The following VAMP7 variants were observed in gnomAD, a reference collection of about 807,000 sequenced individuals.
VAMP7 encodes the protein vesicle-associated membrane protein 7.
Under a neutral mutation model 29.6 loss-of-function variants are expected in VAMP7, and 14 were observed. The ratio of observed to expected loss-of-function variants is 0.47; its 90% CI spans 0.31 to 0.74. The LOEUF (loss-of-function observed/expected upper bound fraction) is 0.74, where lower values mean the gene tolerates loss of function less well. Among genes scored for constraint, VAMP7 ranks in the 30% least tolerant of loss-of-function variants. VAMP7 has a pLI of 0.05. For missense variants in VAMP7, 223 were observed against 262.4 expected (o/e 0.85, Z 1.04); for synonymous variants, 95 against 88.1 (o/e 1.08, Z -0.44).
chrX:155,923,693 T>G (rs1325829067), intron 6 of VAMP7, among the ~76,000 whole-genome samples: 2 of 152,094 alleles, frequency 1.3e-5, no homozygotes. Context: ...GCTTTGAGTT[T>G]GTTGTAGTTT....
At position 155,942,605 on chromosome X, in the gene VAMP7, A is replaced by C. The variant is rs2066763233; in HGVS notation, c.*654A>C. Reference sequence around the variant, plus strand: ...AAAGTTCAGTGTGCTGATCATTCACAATACAGTGGATAGCTTGATATCTTC... The same window carrying C: ...AAAGTTCAGTGTGCTGATCATTCACCATACAGTGGATAGCTTGATATCTTC... On this transcript the variant is annotated 3_prime_UTR_variant, in exon 8 of 8. Coordinates refer to ENST00000286448, the MANE Select transcript of VAMP7 (RefSeq NM_005638.6). The C allele has an allele frequency of 6.1e-6, 1 of 164,264 alleles. No homozygotes were observed. Among genetic ancestry groups the C allele is most frequent in the Admixed American group, 5.8e-5 (1 of 17,182 alleles). The allele number at this position is 164,264 out of a possible 1,614,324, so 10.2% of individuals were successfully genotyped here. A position where few individuals can be genotyped will look rare whatever the true frequency, so the allele number is the denominator to read the frequency against.
At chrX:155,907,282 TA>T (rs1473992265) in intron 5 of VAMP7, among the ~76,000 whole-genome samples, 5 of 151,916 alleles carry the variant, frequency 3.3e-5, no homozygotes, top group South Asian at 2.1e-4. Context: ...TTTATTTTAT[TA>T]TTTTTTTTTA....
Position 155,895,474 on chromosome X carries a change from A to G in VAMP7, c.147-149A>G. The stretch of plus-strand genomic sequence containing the variant: ...AGTTTGACTTGAAAGAAACAGGTAT[A>G]TTGGGAAGGGGAAGAGGGAGAAGAG... On this transcript the variant is annotated intron_variant, in intron 2 of 7. Coordinates refer to ENST00000286448, the MANE Select transcript of VAMP7 (RefSeq NM_005638.6). 6.9e-6 allele frequency: 4 copies of G among 580,866 alleles called. No homozygotes were observed. The South Asian group carries it at 9.4e-5, about 14-fold the overall frequency. The allele number at this position is 580,866 out of a possible 1,614,324, so 36.0% of individuals were successfully genotyped here. A position where few individuals can be genotyped will look rare whatever the true frequency, so the allele number is the denominator to read the frequency against.
chrX:155,903,905 C>T (rs779745284), intron 5 of VAMP7, among the ~76,000 whole-genome samples: 6 of 152,140 alleles, frequency 3.9e-5, no homozygotes, highest in African/African-American at 7.2e-5. Flanking sequence ...CACATGCACA[C>T]GTATGTTTAT....
chrX:155,941,790 G>A (rs2066746969), intron 7 of VAMP7, 93 bp from the exon 8 acceptor site: 4 of 1,364,234 alleles, frequency 2.9e-6, no homozygotes, highest in Non-Finnish European at 3.0e-6. Context: ...GGAATCAGAA[G>A]TATTTCTTAA....
intron 5 of VAMP7, among the ~76,000 whole-genome samples, chrX:155,910,868 T>G (rs1263512753): frequency 5.9e-5 from 9 of 152,186 alleles, no homozygotes. Flanking sequence ...TTTGCAACTA[T>G]TTTCTCCCAT....
At position 155,889,629 on chromosome X, in the gene VAMP7, A is replaced by G; in HGVS notation, c.146+17A>G. 1.9e-6 allele frequency: 3 copies of G among 1,613,290 alleles called. No individual in the cohort carries two copies. The highest frequency in any genetic ancestry group is 1.7e-6 in the Non-Finnish European group (2 of 1,179,526). ...ACATGGCAAGTGAGTTCTGTTCTGCATGTGGTAAGGGATGAAAGAAGGGAA... is the reference window on the plus strand; with the variant it reads ...ACATGGCAAGTGAGTTCTGTTCTGCGTGTGGTAAGGGATGAAAGAAGGGAA... On this transcript the variant is annotated intron_variant, in intron 2 of 7. Coordinates refer to ENST00000286448, the MANE Select transcript of VAMP7 (RefSeq NM_005638.6).
At chrX:155,926,523 G>A (rs771816348) in intron 6 of VAMP7, among the ~76,000 whole-genome samples, 2 of 152,290 alleles carry the variant, frequency 1.3e-5, no homozygotes. Context: ...GCCTTGCTCT[G>A]TATTAGGCTT....
At chrX:155,888,532 T>C (rs748174161) in intron 1 of VAMP7, among the ~76,000 whole-genome samples, 2 of 152,288 alleles carry the variant, frequency 1.3e-5, no homozygotes, top group South Asian at 4.2e-4. Flanking sequence ...AGACAAGGAT[T>C]TGTTCATCTC....
chrX:155,900,383 A>G, intron 4 of VAMP7, 114 bp from the exon 5 acceptor site: 2 of 795,150 alleles, frequency 2.5e-6, no homozygotes, highest in East Asian at 2.7e-5. Context: ...CTTTTATATC[A>G]ATAGAGACAT....
At chrX:155,915,354 C>T (rs918258825) in intron 5 of VAMP7, among the ~76,000 whole-genome samples, 1 of 152,050 alleles carries the variant, frequency 6.6e-6, no homozygotes, top group Non-Finnish European at 1.5e-5. Flanking sequence ...TTTTTCATGT[C>T]TCTTTCTCCT....
chrX:155,910,439 T>TA (rs2066220545), intron 5 of VAMP7, among the ~76,000 whole-genome samples: 1 of 152,202 alleles, frequency 6.6e-6, no homozygotes, highest in Non-Finnish European at 1.5e-5. Context: ...ATCCCGTCTA[T>TA]ACACTGATTT....
At chrX:155,915,714 C>T (rs2066302314) in intron 5 of VAMP7, among the ~76,000 whole-genome samples, 1 of 152,150 alleles carries the variant, frequency 6.6e-6, no homozygotes, top group African/African-American at 2.4e-5. Flanking sequence ...TTTGATGGCA[C>T]TGTGGTCTGA....
At chrX:155,931,522 T>G (rs998852011) in intron 6 of VAMP7, among the ~76,000 whole-genome samples, 1 of 152,216 alleles carries the variant, frequency 6.6e-6, no homozygotes, top group African/African-American at 2.4e-5. Context: ...TTGAGAAGTG[T>G]CTGTTCATAT....
chrX:155,891,966 A>G (rs1401528712), intron 2 of VAMP7, among the ~76,000 whole-genome samples: 1 of 152,182 alleles, frequency 6.6e-6, no homozygotes, highest in Non-Finnish European at 1.5e-5. Flanking sequence ...TCCTGGGAAA[A>G]TGTCCAGGGA....
Position 155,939,605 on chromosome X carries a change from A to C in VAMP7, c.502-96A>C, listed in dbSNP as rs1321074563. The C allele has an allele frequency of 4.5e-6, 4 of 896,310 alleles. No homozygotes were observed. In the African/African-American group the frequency reaches 6.6e-5, roughly 15 times the overall value. 55.5% of individuals were successfully genotyped at this position (896,310 alleles called of 1,614,324 possible). On this transcript the variant is annotated intron_variant, in intron 6 of 7. Transcript: ENST00000286448. Reference sequence around the variant, plus strand: ...TTGTAAAGAGAGGTCATTGGACTTAAATGGAATTAATGGAAGTAAAATGTT... The same window carrying C: ...TTGTAAAGAGAGGTCATTGGACTTACATGGAATTAATGGAAGTAAAATGTT...
intron 5 of VAMP7, 107 bp downstream of exon 5, chrX:155,900,694 C>G (rs766601856): frequency 2.2e-6 from 2 of 898,576 alleles, no homozygotes; most frequent in Non-Finnish European, 3.4e-6. Flanking sequence ...CTTATTCTTA[C>G]CATTGGAAGT....
At chrX:155,899,098 A>C (rs1272918137) in intron 4 of VAMP7, among the ~76,000 whole-genome samples, 5 of 151,920 alleles carry the variant, frequency 3.3e-5, no homozygotes, top group African/African-American at 1.2e-4. Context: ...GCTGCTGTTA[A>C]CCTCCATGTA....
At chrX:155,904,689 T>A (rs184910282) in intron 5 of VAMP7, among the ~76,000 whole-genome samples, 2,908 of 152,066 alleles carry the variant, frequency 0.019, 153 homozygotes, top group Non-Finnish European at 8.4e-3. Flanking sequence ...TTGTAATATG[T>A]GGCCTTTTGT....
Sources: allele counts gnomAD v4.1 joint callset (sites outside exome capture counted in the v4.1 genomes callset), GRCh38; gene constraint gnomAD v4.1.1; transcripts MANE v1.5; gene names NCBI Gene and HGNC (gene_info 2026-07-23, HGNC 2026-07-21).